Variants in ERBB2 observed in about 807,000 individuals in gnomAD.
ERBB2 encodes the protein receptor tyrosine-protein kinase erbB-2.
A neutral mutation model predicts 149.0 loss-of-function variants in ERBB2; 61 were observed. That is an observed-to-expected ratio of 0.41 (90% confidence interval 0.33 to 0.51). The LOEUF (loss-of-function observed/expected upper bound fraction) is 0.51, where lower values mean the gene tolerates loss of function less well. ERBB2 is among the 20% of genes least tolerant of loss of function. The probability of loss-of-function intolerance (pLI) is 0.25; values close to 1 mark genes in which losing one functional copy is unlikely to be tolerated. For synonymous variants in ERBB2, 633 were observed against 678.8 expected, an observed-to-expected ratio of 0.93 and a Z score of 1.05; for missense variants, 1,205 against 1,655.1, an observed-to-expected ratio of 0.73 and a Z score of 4.72.
At position 39,726,949 on chromosome 17, in the gene ERBB2, TGCCCCGG is replaced by T; in HGVS notation, c.3108_3114del (p.Pro1037LeufsTer21). On this transcript the variant is annotated frameshift_variant, in exon 25 of 27. Coordinates refer to ENST00000269571, the MANE Select transcript of ERBB2 (RefSeq NM_004448.4). LOFTEE classifies it high-confidence loss of function. The surrounding 1 kb of genome is among the most constrained non-coding windows in gnomAD (Gnocchi z 5.1). Reference sequence around the variant, plus strand: ...AGCAGGGCTTCTTCTGTCCAGACCCTGCCCCGGGCGCTGGGGGCATGGTCCACCACAG... The same window carrying T: ...AGCAGGGCTTCTTCTGTCCAGACCCTGCGCTGGGGGCATGGTCCACCACAG... The T allele has an allele frequency of 6.2e-7, 1 of 1,612,798 alleles. No individual in the cohort carries two copies. The highest frequency in any genetic ancestry group is 8.5e-7 in the Non-Finnish European group (1 of 1,179,618).
At chr17:39,690,893 C>A (rs1243971539), upstream of ERBB2, among the ~76,000 whole-genome samples, 1 of 152,116 alleles carries the variant, frequency 6.6e-6, no homozygotes, top group East Asian at 1.9e-4. Context: ...GTGGCTCATG[C>A]CTGTAATCCC....
intron 1 of ERBB2, chr17:39,706,632 G>T (rs1051019610): frequency 5.1e-6 from 1 of 195,968 alleles, no homozygotes; most frequent in Non-Finnish European, 1.0e-5. Flanking sequence ...TCTCTTGGGG[G>T]ATTTTTACCC....
rs900370702 is a variant in ERBB2, at chr17:39,726,262, G to GTTT, written c.2873-299_2873-297dup. 2 of 457,140 alleles carry GTTT rather than the reference G, an allele frequency of 4.4e-6. No individual in the cohort carries two copies. The highest frequency in any genetic ancestry group is 7.1e-5 in the Admixed American group (2 of 28,104). The allele number at this position is 457,140 out of a possible 1,614,324, so 28.3% of individuals were successfully genotyped here. Reference sequence around the variant, plus strand: ...GAGGCAGGAAGATCACTTGAGCCTAGTTTAAGGTTGCAGTAAGCTATGATT... The same window carrying GTTT: ...GAGGCAGGAAGATCACTTGAGCCTAGTTTTTTAAGGTTGCAGTAAGCTATGATT... On this transcript the variant is annotated intron_variant, in intron 23 of 26. Transcript: ENST00000269571. The surrounding 1 kb of genome is among the most constrained non-coding windows in gnomAD (Gnocchi z 5.1).
chr17:39,701,565 G>A (rs896966461), intron 1 of ERBB2, among the ~76,000 whole-genome samples: 10 of 152,180 alleles, frequency 6.6e-5, no homozygotes, highest in African/African-American at 2.2e-4. Flanking sequence ...GGGTGTCATC[G>A]TGGCTGTGTG....
Position 39,715,244 on chromosome 17 carries a change from C to T in ERBB2, c.1149-42C>T, listed in dbSNP as rs372681311. 1.7e-5 allele frequency: 27 copies of T among 1,559,480 alleles called. No homozygotes were observed. In the Middle Eastern group the frequency reaches 6.9e-4, roughly 40 times the overall value. On this transcript the variant is annotated intron_variant, in intron 9 of 26. Transcript: ENST00000269571. ...TGGCCAGTGCTGGGAGTGATGTCCACCCTGTTCCTGGCCCTGCTGACTCCT... is the reference window on the plus strand; with the variant it reads ...TGGCCAGTGCTGGGAGTGATGTCCATCCTGTTCCTGGCCCTGCTGACTCCT...
intron 4 of ERBB2, 22 bp from the exon 5 acceptor site, chr17:39,709,791 C>G: frequency 6.2e-7 from 1 of 1,606,546 alleles, no homozygotes; most frequent in South Asian, 1.1e-5. Flanking sequence ...CTCTCACTGC[C>G]TGTCTCTGGT....
chr17:39,699,930 A>G (rs1029068293), upstream of ERBB2: 5 of 1,050,952 alleles, frequency 4.8e-6, no homozygotes, highest in Non-Finnish European at 6.1e-6. Flanking sequence ...GGGAGTTGCC[A>G]CTCCCAGACT....
At position 39,710,335 on chromosome 17, in the gene ERBB2, C is replaced by T. The variant is rs375695147; in HGVS notation, c.760-5C>T. On this transcript the variant is annotated splice_region_variant and splice_polypyrimidine_tract_variant and intron_variant, in intron 6 of 26. Transcript: ENST00000269571. ...ACAGTGAAAGCCAGCCACCTGTCCCCCCAGGCCTGCCTCCACTTCAACCAC... is the reference window on the plus strand; with the variant it reads ...ACAGTGAAAGCCAGCCACCTGTCCCTCCAGGCCTGCCTCCACTTCAACCAC... 6.8e-6 allele frequency: 11 copies of T among 1,614,042 alleles called. No individual in the cohort carries two copies. Among genetic ancestry groups the T allele is most frequent in the Middle Eastern group, 3.3e-4 (2 of 6,084 alleles).
Position 39,724,871 on chromosome 17 carries a change from G to C in ERBB2, c.2453G>C (p.Gly818Ala), listed in dbSNP as rs2059661826. Residue 818 changes from glycine (G) to alanine (A), a missense_variant, in exon 20 of 27, where the codon GGC (glycine) becomes GCC (alanine). Physicochemically the swap from Gly to Ala is moderately conservative, Grantham distance 60. Transcript: ENST00000269571. Reference protein sequence around the residue: ...DHVRENRGRLGSQDLLNWCMQ... With the variant: ...DHVRENRGRLASQDLLNWCMQ... ...GTCCGGGAAAACCGCGGACGCCTGGGCTCCCAGGACCTGCTGAACTGGTGT... is the reference window on the plus strand; with the variant it reads ...GTCCGGGAAAACCGCGGACGCCTGGCCTCCCAGGACCTGCTGAACTGGTGT... 1 of 1,614,204 alleles carries C rather than the reference G, an allele frequency of 6.2e-7. No homozygotes were observed. The highest frequency in any genetic ancestry group is 8.5e-7 in the Non-Finnish European group (1 of 1,180,034).
At position 39,721,261 on chromosome 17, in the gene ERBB2, CTTTTTTTT is replaced by C. The variant is rs33957748; in HGVS notation, c.1946+1442_1946+1449del. Among the ~76,000 whole-genome samples the C allele has an allele frequency of 6.4e-3, 533 of 82,984 alleles. 4 individuals are homozygous for C. In the Middle Eastern group the frequency reaches 0.16, roughly 26 times the overall value. The allele number at this position is 82,984 out of a possible 152,430, so 54.4% of individuals were successfully genotyped here. A position where few individuals can be genotyped will look rare whatever the true frequency, so the allele number is the denominator to read the frequency against. The stretch of plus-strand genomic sequence containing the variant: ...CACCACTCCTGGCGATGAGCCAAGT[CTTTTTTTT>C]TTTTTTTTTTTTTTGATATGGAGTC... On this transcript the variant is annotated intron_variant, in intron 16 of 26. Transcript: ENST00000269571.
upstream of ERBB2, among the ~76,000 whole-genome samples, chr17:39,690,148 T>C (rs2057663239): frequency 6.6e-6 from 1 of 152,212 alleles, no homozygotes; most frequent in Admixed American, 6.5e-5. Context: ...TGCAGTGGCA[T>C]GATCACGACT....
At position 39,717,494 on chromosome 17, in the gene ERBB2, T is replaced by C. The variant is rs2145714103; in HGVS notation, c.1898+14T>C. The stretch of plus-strand genomic sequence containing the variant: ...CTGCACCCACTCGTGAGTCCAACGG[T>C]CTTTTCTGCAGAAAGGAGGACTTTC... On this transcript the variant is annotated intron_variant, in intron 15 of 26. Coordinates refer to ENST00000269571, the MANE Select transcript of ERBB2 (RefSeq NM_004448.4). The C allele has an allele frequency of 6.3e-7, 1 of 1,595,554 alleles. No homozygotes were observed. Among genetic ancestry groups the C allele is most frequent in the Non-Finnish European group, 8.6e-7 (1 of 1,167,586 alleles).
At chr17:39,710,588 C>T (rs1597865471) in intron 7 of ERBB2, 107 bp downstream of exon 7, 1 of 1,304,850 alleles carries the variant, frequency 7.7e-7, no homozygotes, top group Admixed American at 1.9e-5. Context: ...GAGAGCTGGT[C>T]ATGACAGTTC....
upstream of ERBB2, among the ~76,000 whole-genome samples, chr17:39,692,783 A>C (rs1262978376): frequency 6.6e-6 from 1 of 151,626 alleles, no homozygotes; most frequent in Non-Finnish European, 1.5e-5. Context: ...AGAAAAGCTG[A>C]GTGTGGTGGC....
upstream of ERBB2, chr17:39,699,453 G>C (rs1263657478): frequency 1.7e-6 from 2 of 1,186,104 alleles, no homozygotes; most frequent in East Asian, 2.6e-5. Flanking sequence ...AAGAGCAAAA[G>C]TTCGTTTAAA....
upstream of ERBB2, among the ~76,000 whole-genome samples, chr17:39,691,574 TACACAC>T (rs1173386743): frequency 3.3e-5 from 4 of 122,058 alleles, no homozygotes; most frequent in Admixed American, 8.2e-5. Context: ...TATATATATA[TACACAC>T]ACACACACAC....
rs2145681999 is a variant in ERBB2, at chr17:39,716,447, A to G, written c.1646+14A>G. 6.2e-7 allele frequency: 1 copy of G among 1,612,768 alleles called. No individual in the cohort carries two copies. Among genetic ancestry groups the G allele is most frequent in the Non-Finnish European group, 8.5e-7 (1 of 1,178,976 alleles). On this transcript the variant is annotated intron_variant, in intron 13 of 26. Coordinates refer to ENST00000269571, the MANE Select transcript of ERBB2 (RefSeq NM_004448.4). ...AGTACTGCAGGGGTATGAGGGGCGG[A>G]GGAGAGGGTGGCTGGAGGGGTGCAT...
chr17:39,690,105 A>G (rs2057662543), upstream of ERBB2, among the ~76,000 whole-genome samples: 1 of 152,192 alleles, frequency 6.6e-6, no homozygotes, highest in Middle Eastern at 3.4e-3. Flanking sequence ...TTTTTTTCCC[A>G]GACAGCCTCT....
intron 2 of ERBB2, 45 bp from the exon 3 acceptor site, chr17:39,708,276 G>A (rs1294086272): frequency 7.8e-6 from 12 of 1,528,874 alleles, no homozygotes; most frequent in Non-Finnish European, 1.1e-5. Context: ...GCCCTGGGGG[G>A]TGGCAGTGTT....
Sources: gnomAD v4.1 joint callset for allele counts (sites outside exome capture counted in the v4.1 genomes callset) on GRCh38, gnomAD v4.1.1 for gene constraint, Gnocchi (gnomAD v3.1) non-coding constraint, MANE v1.5 for transcripts, NCBI Gene and HGNC (gene_info 2026-07-23, HGNC 2026-07-21) for gene names.